The following MAN1C1 variants were observed in gnomAD, a reference collection of about 807,000 sequenced individuals.
MAN1C1 encodes the protein mannosidase alpha class 1C member 1.
A neutral mutation model predicts 71.5 loss-of-function variants in MAN1C1; 49 were observed. The ratio of observed to expected loss-of-function variants is 0.69; its 90% CI spans 0.54 to 0.87. MAN1C1 has a LOEUF of 0.87. MAN1C1 is among the 40% of genes least tolerant of loss of function. The probability of loss-of-function intolerance (pLI) is 0.00; values close to 1 mark genes in which losing one functional copy is unlikely to be tolerated. For synonymous variants in MAN1C1, 352 were observed against 343.7 expected (o/e 1.02, Z -0.27); for missense variants, 743 against 835.0 (o/e 0.89, Z 1.36).
intron 1 of MAN1C1, among the ~76,000 whole-genome samples, chr1:25,653,431 T>C (rs1009509193): frequency 5.3e-5 from 8 of 152,298 alleles, no homozygotes; most frequent in Non-Finnish European, 1.2e-4. Flanking sequence ...TGGTCCCTTA[T>C]TAGGGGCCTT....
chr1:25,718,538 CA>C (rs1225643903), intron 2 of MAN1C1, among the ~76,000 whole-genome samples: 2 of 152,220 alleles, frequency 1.3e-5, no homozygotes, highest in African/African-American at 4.8e-5. Flanking sequence ...TAAACATCAT[CA>C]GAATGTTTCC....
intron 2 of MAN1C1, among the ~76,000 whole-genome samples, chr1:25,689,587 G>A (rs539288459): frequency 3.9e-5 from 6 of 152,286 alleles, no homozygotes; most frequent in African/African-American, 1.4e-4. Flanking sequence ...GTTCTAGTTG[G>A]GGTGAACCCA....
At chr1:25,644,519 T>TATATATATATATATATATATA (rs1553182595) in intron 1 of MAN1C1, 2 of 58,438 alleles carry the variant, frequency 3.4e-5, no homozygotes, top group Admixed American at 2.2e-4. Flanking sequence ...TATATATATA[T>TATATATATATATATATATATA]TTTTTTTTTT....
Position 25,779,384 on chromosome 1 carries a change from C to A in MAN1C1, c.1477+1060C>A, listed in dbSNP as rs1160849003. 6.6e-6 allele frequency among the ~76,000 whole-genome samples: 1 copy of A among 152,208 alleles called. No homozygotes were observed. The highest frequency in any genetic ancestry group is 1.9e-4 in the East Asian group (1 of 5,188). On this transcript the variant is annotated intron_variant, in intron 9 of 11. Coordinates refer to ENST00000374332, the MANE Select transcript of MAN1C1 (RefSeq NM_020379.4). The surrounding 1 kb of genome is among the most constrained non-coding windows in gnomAD (Gnocchi z 4.6). ...CAGCAGCACTGCAGGCACTTGCTGA[C>A]CGCCCATCATGATGTGTCTGTGCCC...
intron 1 of MAN1C1, among the ~76,000 whole-genome samples, chr1:25,672,288 T>A (rs76621150): frequency 2.0e-5 from 3 of 152,204 alleles, no homozygotes; most frequent in Admixed American, 2.0e-4. Context: ...CTTACCTACA[T>A]TGGGCGAGGG....
At chr1:25,686,363 G>A (rs2046230634) in intron 1 of MAN1C1, 77 bp from the exon 2 acceptor site, 9 of 1,243,156 alleles carry the variant, frequency 7.2e-6, no homozygotes, top group Non-Finnish European at 1.1e-5. Flanking sequence ...ACGTTGCAAG[G>A]GGCAAAGCCA....
chr1:25,625,731 G>A (rs72873782), intron 1 of MAN1C1, among the ~76,000 whole-genome samples: 3,686 of 152,230 alleles, frequency 0.024, 160 homozygotes, highest in African/African-American at 0.084. Flanking sequence ...TGAGGTGGGT[G>A]GATTCATTGA....
At chr1:25,685,009 A>G (rs1261816290) in intron 1 of MAN1C1, among the ~76,000 whole-genome samples, 1 of 152,238 alleles carries the variant, frequency 6.6e-6, no homozygotes, top group African/African-American at 2.4e-5. Flanking sequence ...AGTGATTCTG[A>G]TGCAAGCTAA....
chr1:25,763,735 G>A (rs1371298311), intron 6 of MAN1C1, 139 bp from the exon 7 acceptor site: 11 of 698,964 alleles, frequency 1.6e-5, no homozygotes, highest in South Asian at 1.2e-4. Context: ...CCTGCAGTCC[G>A]TTGGGCAGCT....
intron 2 of MAN1C1, among the ~76,000 whole-genome samples, chr1:25,710,832 A>G (rs2046603773): frequency 6.6e-6 from 1 of 152,188 alleles, no homozygotes; most frequent in South Asian, 2.1e-4. Flanking sequence ...GTCAAGGTTG[A>G]GTATAGTTGA....
At chr1:25,667,202 G>A (rs943959810) in intron 1 of MAN1C1, among the ~76,000 whole-genome samples, 1 of 152,114 alleles carries the variant, frequency 6.6e-6, no homozygotes, top group African/African-American at 2.4e-5. Flanking sequence ...AATTCAAAGA[G>A]GCTGGGAGTG....
intron 5 of MAN1C1, among the ~76,000 whole-genome samples, chr1:25,754,164 C>T (rs1236739324): frequency 6.6e-6 from 1 of 152,158 alleles, no homozygotes; most frequent in Admixed American, 6.5e-5. Context: ...GGGCACCCTG[C>T]AGCTCTCTGG....
intron 2 of MAN1C1, among the ~76,000 whole-genome samples, chr1:25,726,893 T>TAAAAAAAA (rs530911352): frequency 7.9e-6 from 1 of 127,234 alleles, no homozygotes; most frequent in Admixed American, 7.9e-5. Flanking sequence ...TCATCTCTAT[T>TAAAAAAAA]AAAAAAAAAA....
intron 7 of MAN1C1, among the ~76,000 whole-genome samples, chr1:25,767,379 CCACA>C (rs143706023): frequency 0.43 from 15,880 of 37,104 alleles, 4,350 homozygotes; most frequent in Middle Eastern, 0.65. Flanking sequence ...CGTCCACACT[CCACA>C]CACACACACA....
chr1:25,657,238 C>G (rs1415324355), intron 1 of MAN1C1, among the ~76,000 whole-genome samples: 2 of 152,206 alleles, frequency 1.3e-5, no homozygotes, highest in African/African-American at 4.8e-5. Flanking sequence ...AGTTCTGGGT[C>G]CTGAAAACCC....
rs564943291 is a variant in MAN1C1, at chr1:25,700,141, T to G, written c.637+13605T>G. ...CTGCCCTTGTTTTTTTGTTGTTGTT[T>G]TTGTTTTTAATGACTGGATAAAGCA... On this transcript the variant is annotated intron_variant, in intron 2 of 11. Transcript: ENST00000374332. 2.0e-5 allele frequency among the ~76,000 whole-genome samples: 3 copies of G among 152,346 alleles called. No homozygotes were observed. In the East Asian group the frequency reaches 5.8e-4, roughly 29 times the overall value.
At chr1:25,703,611 G>A (rs901385809) in intron 2 of MAN1C1, among the ~76,000 whole-genome samples, 1 of 152,170 alleles carries the variant, frequency 6.6e-6, no homozygotes, top group Non-Finnish European at 1.5e-5. Flanking sequence ...AACTTAGGAA[G>A]TGGAGGTTGC....
At chr1:25,693,100 T>C (rs1315298921) in intron 2 of MAN1C1, among the ~76,000 whole-genome samples, 2 of 152,294 alleles carry the variant, frequency 1.3e-5, no homozygotes, top group East Asian at 3.9e-4. Flanking sequence ...TTACCAATAA[T>C]AAAAAGTTAA....
rs371727301 is a variant in MAN1C1 at position 25,753,594 on chromosome 1, G to A, written c.929+16G>A. On this transcript the variant is annotated intron_variant, in intron 5 of 11. Transcript: ENST00000374332. This position sits in a 1 kb window ranked among gnomAD's most constrained non-coding sequence, Gnocchi z 4.9. ...GCTTCAAAAGGTAGGGCGCCATCGC[G>A]TTCCCCACTGGGGCTTTACTGCGAC... 4.8e-4 allele frequency: 780 copies of A among 1,608,762 alleles called. 7 individuals are homozygous for A. The South Asian group carries it at 7.9e-3, about 16-fold the overall frequency.
Sources: gnomAD v4.1 joint callset for allele counts (sites outside exome capture counted in the v4.1 genomes callset) on GRCh38, gnomAD v4.1.1 for gene constraint, Gnocchi (gnomAD v3.1) non-coding constraint, MANE v1.5 for transcripts, NCBI Gene and HGNC (gene_info 2026-07-23, HGNC 2026-07-21) for gene names.